The following ODAD2 variants were observed in gnomAD, a reference collection of about 807,000 sequenced individuals.
The protein encoded by ODAD2 is outer dynein arm-docking complex subunit 2.
Under a neutral mutation model 106.8 loss-of-function variants are expected in ODAD2, and 89 were observed. The ratio of observed to expected loss-of-function variants is 0.83; its 90% CI spans 0.70 to 0.99. The LOEUF (loss-of-function observed/expected upper bound fraction) is 0.99, where lower values mean the gene tolerates loss of function less well. ODAD2 is among the 50% of genes least tolerant of loss of function. The pLI, the probability that ODAD2 is intolerant of heterozygous loss-of-function variation, is 0.00. For missense variants in ODAD2, 1,168 were observed against 1,238.5 expected (o/e 0.94, Z 0.85); for synonymous variants, 404 against 436.2 (o/e 0.93, Z 0.92).
chr10:27,870,134 A>C (rs961824087), intron 17 of ODAD2, among the ~76,000 whole-genome samples: 2 of 152,134 alleles, frequency 1.3e-5, no homozygotes, highest in Non-Finnish European at 2.9e-5. Flanking sequence ...AAGGGCTGTC[A>C]ATGTCTTAAA....
intron 2 of ODAD2, among the ~76,000 whole-genome samples, chr10:27,990,898 A>C (rs559521708): frequency 1.3e-5 from 2 of 152,350 alleles, no homozygotes; most frequent in South Asian, 2.1e-4. Context: ...AGATTTAAAA[A>C]TAAAATATGG....
intron 7 of ODAD2, among the ~76,000 whole-genome samples, chr10:27,976,527 T>A (rs1173396122): frequency 6.6e-6 from 1 of 152,080 alleles, no homozygotes; most frequent in Non-Finnish European, 1.5e-5. Flanking sequence ...GAAACACAGA[T>A]AAGTTTCAAA....
intron 10 of ODAD2, among the ~76,000 whole-genome samples, chr10:27,955,769 G>A (rs941947401): frequency 2.7e-5 from 4 of 150,108 alleles, no homozygotes; most frequent in Admixed American, 2.0e-4. Flanking sequence ...AGATCATTAA[G>A]GAACTGAGCC....
chr10:27,880,106 C>T (rs1309983713), intron 17 of ODAD2, among the ~76,000 whole-genome samples: 2 of 152,172 alleles, frequency 1.3e-5, no homozygotes, highest in African/African-American at 2.4e-5. Flanking sequence ...TATTTGTTCA[C>T]ATTAAGCTTT....
intron 16 of ODAD2, among the ~76,000 whole-genome samples, chr10:27,922,843 T>G (rs1844889934): frequency 6.6e-6 from 1 of 151,970 alleles, no homozygotes; most frequent in Non-Finnish European, 1.5e-5. Flanking sequence ...GAAGCAGAGG[T>G]TGCAGTGAGC....
At chr10:27,871,994 A>G (rs561460287) in intron 17 of ODAD2, among the ~76,000 whole-genome samples, 12 of 152,248 alleles carry the variant, frequency 7.9e-5, no homozygotes, top group South Asian at 2.1e-4. Flanking sequence ...AAGAGCATGG[A>G]ATGTTCTTCC....
intron 16 of ODAD2, among the ~76,000 whole-genome samples, chr10:27,925,812 T>C (rs1845215456): frequency 6.6e-6 from 1 of 152,148 alleles, no homozygotes; most frequent in Non-Finnish European, 1.5e-5. Context: ...TCTCCACTAC[T>C]ATTCAAGAAG....
chr10:27,843,263 GT>G, intron 19 of ODAD2, among the ~76,000 whole-genome samples: 1 of 152,300 alleles, frequency 6.6e-6, no homozygotes, highest in South Asian at 2.1e-4. Context: ...CAACAAATCT[GT>G]GCATGAAAAT....
intron 18 of ODAD2, 132 bp from the exon 19 acceptor site, chr10:27,860,978 C>A: frequency 1.4e-6 from 1 of 722,436 alleles, no homozygotes. Context: ...GGCTGACTAC[C>A]TAGGTGATGT....
intron 17 of ODAD2, among the ~76,000 whole-genome samples, chr10:27,866,401 T>A (rs1840440155): frequency 6.6e-6 from 1 of 152,204 alleles, no homozygotes; most frequent in Non-Finnish European, 1.5e-5. Context: ...AATGAGGCCA[T>A]GCACATGTAA....
In ODAD2 at chr10:27,885,599, T is replaced by TAAA. The variant is rs1258766432; in HGVS notation, c.2610+22063_2610+22064insTTT. ...ATATAAATATATAAATATAAATATA[T>TAAA]ATATAAAATATATATAAATATAAAT... On this transcript the variant is annotated intron_variant, in intron 17 of 19. Transcript: ENST00000305242. Among the ~76,000 whole-genome samples, 84 of 72,484 alleles carry TAAA rather than the reference T, an allele frequency of 1.2e-3. 1 individual carries two copies. Among genetic ancestry groups the TAAA allele is most frequent in the African/African-American group, 4.2e-3 (74 of 17,718 alleles). The allele number at this position is 72,484 out of a possible 152,430, so 47.6% of individuals were successfully genotyped here.
intron 19 of ODAD2, among the ~76,000 whole-genome samples, chr10:27,820,421 G>C (rs79892424): frequency 0.15 from 22,849 of 151,822 alleles, 2,287 homozygotes; most frequent in Non-Finnish European, 0.23. Context: ...AATGGACTGT[G>C]AGTGTCAAGC....
chr10:27,870,675 G>C (rs2133427074), intron 17 of ODAD2, among the ~76,000 whole-genome samples: 1 of 152,254 alleles, frequency 6.6e-6, no homozygotes, highest in African/African-American at 2.4e-5. Flanking sequence ...CCCTACAAAG[G>C]ACATGAACTC....
intron 16 of ODAD2, among the ~76,000 whole-genome samples, chr10:27,921,339 C>A (rs1340011889): frequency 1.3e-5 from 2 of 151,010 alleles, no homozygotes; most frequent in East Asian, 3.9e-4. Flanking sequence ...AAATTTAACT[C>A]TTTTATAGGC....
intron 9 of ODAD2, among the ~76,000 whole-genome samples, chr10:27,964,039 T>C (rs1407978315): frequency 2.6e-5 from 4 of 152,154 alleles, no homozygotes; most frequent in Non-Finnish European, 4.4e-5. Context: ...CTAGCCAATA[T>C]GGTGAAACCC....
At chr10:27,973,006 A>G (rs1470679925) in intron 7 of ODAD2, among the ~76,000 whole-genome samples, 1 of 152,164 alleles carries the variant, frequency 6.6e-6, no homozygotes, top group Non-Finnish European at 1.5e-5. Context: ...ATACTGGGCC[A>G]TAAAATGAAC....
Position 27,842,009 on chromosome 10 carries a change from C to T in ODAD2, c.3021+18616G>A, listed in dbSNP as rs111488889. ...TTTAGGCACATTCCTACCCTATGGC[C>T]GCTGAACAAACACTTTCCCTCTGGC... On this transcript the variant is annotated intron_variant, in intron 19 of 19. Coordinates refer to ENST00000305242, the MANE Select transcript of ODAD2 (RefSeq NM_018076.5). 1.4e-3 allele frequency among the ~76,000 whole-genome samples: 220 copies of T among 152,210 alleles called. 1 individual carries two copies. Among genetic ancestry groups the T allele is most frequent in the African/African-American group, 5.1e-3 (211 of 41,522 alleles).
chr10:27,831,195 A>G (rs1254771913), intron 19 of ODAD2, among the ~76,000 whole-genome samples: 1 of 152,216 alleles, frequency 6.6e-6, no homozygotes. Context: ...TGCAACACTG[A>G]TGGACTCTGA....
chr10:27,878,949 T>C (rs1841530719), intron 17 of ODAD2, among the ~76,000 whole-genome samples: 1 of 152,182 alleles, frequency 6.6e-6, no homozygotes, highest in South Asian at 2.1e-4. Flanking sequence ...ATTACCCTTG[T>C]CCTTGTGAAC....
Sources: gnomAD v4.1 joint callset for allele counts (sites outside exome capture counted in the v4.1 genomes callset) on GRCh38, gnomAD v4.1.1 for gene constraint, MANE v1.5 for transcripts, NCBI Gene and HGNC (gene_info 2026-07-23, HGNC 2026-07-21) for gene names.